Variants in TRAK1 observed in about 807,000 individuals in gnomAD.
The protein encoded by TRAK1 is trafficking kinesin-binding protein 1.
In TRAK1, 33 loss-of-function variants were observed where a neutral mutation model predicts 92.1. The ratio of observed to expected loss-of-function variants is 0.36; its 90% CI spans 0.27 to 0.48. The LOEUF (loss-of-function observed/expected upper bound fraction) is 0.48, where lower values mean the gene tolerates loss of function less well. TRAK1 is among the 20% of genes least tolerant of loss of function. The probability of loss-of-function intolerance (pLI) is 0.99; values close to 1 mark genes in which losing one functional copy is unlikely to be tolerated. For missense variants in TRAK1, 1,123 were observed against 1,257.9 expected (o/e 0.89, Z 1.62); for synonymous variants, 521 against 517.3 (o/e 1.01, Z -0.10).
intron 7 of TRAK1, among the ~76,000 whole-genome samples, chr3:42,191,977 C>T (rs961232986): frequency 7.3e-6 from 1 of 136,090 alleles, no homozygotes; most frequent in Admixed American, 8.4e-5. Context: ...TCTCGGCTCA[C>T]TGCAACCTCT....
At chr3:42,096,909 T>C (rs61279551) in intron 1 of TRAK1, among the ~76,000 whole-genome samples, 3,025 of 152,354 alleles carry the variant, frequency 0.02, 111 homozygotes, top group African/African-American at 0.07. Flanking sequence ...GAAAAATGCA[T>C]ACAGTTTAAA....
At chr3:42,082,860 C>T (rs1704500869), upstream of TRAK1, among the ~76,000 whole-genome samples, 1 of 152,206 alleles carries the variant, frequency 6.6e-6, no homozygotes. Flanking sequence ...TTCAAGACCA[C>T]ATTCATCATC....
chr3:42,109,114 C>T (rs553397238), intron 1 of TRAK1, among the ~76,000 whole-genome samples: 66 of 152,250 alleles, frequency 4.3e-4, no homozygotes, highest in African/African-American at 1.5e-3. Context: ...AGGTATTCAA[C>T]TTCTCTGTGC....
At chr3:42,142,169 T>G (rs184251227) in intron 2 of TRAK1, among the ~76,000 whole-genome samples, 3 of 152,128 alleles carry the variant, frequency 2.0e-5, no homozygotes, top group Admixed American at 1.3e-4. Context: ...GAAAATGAAT[T>G]ACACCTGCAA....
rs1291152895 is a variant in TRAK1, at chr3:42,149,530, C to T, written c.286+23916C>T. 3.3e-6 allele frequency: 5 copies of T among 1,536,148 alleles called. No individual in the cohort carries two copies. The Admixed American group carries it at 7.8e-5, about 24-fold the overall frequency. On this transcript the variant is annotated intron_variant, in intron 2 of 15. Transcript: ENST00000327628. Reference sequence around the variant, plus strand: ...GTCCATTCTTTCCTCTGCAAGACTACTGACTATGCAGAAATTTATCGAAGC... The same window carrying T: ...GTCCATTCTTTCCTCTGCAAGACTATTGACTATGCAGAAATTTATCGAAGC...
intron 2 of TRAK1, chr3:42,160,517 T>G (rs756493357): frequency 6.3e-7 from 1 of 1,591,626 alleles, no homozygotes; most frequent in South Asian, 1.1e-5. Context: ...TCCTTGTTAG[T>G]ATCTAAATAG....
chr3:42,035,630 A>G (rs12107568), intron 1 of TRAK1, among the ~76,000 whole-genome samples: 62,184 of 151,940 alleles, frequency 0.41, 15,638 homozygotes, highest in African/African-American at 0.72. Flanking sequence ...AGATCTCCCT[A>G]ATTGTCCTGT....
intron 2 of TRAK1, among the ~76,000 whole-genome samples, chr3:42,134,691 A>G (rs1489859691): frequency 6.9e-6 from 1 of 144,322 alleles, no homozygotes; most frequent in African/African-American, 2.6e-5. Flanking sequence ...GGTTCACGCC[A>G]TTCACCTGCC....
chr3:42,172,332 G>A (rs181538540), intron 2 of TRAK1, among the ~76,000 whole-genome samples: 127 of 152,248 alleles, frequency 8.3e-4, no homozygotes, highest in Non-Finnish European at 1.2e-3. Context: ...CTTGAAAGGG[G>A]ACATCACTCT....
At chr3:42,064,574 CTTA>C (rs974322839) in intron 1 of TRAK1, among the ~76,000 whole-genome samples, 18 of 152,088 alleles carry the variant, frequency 1.2e-4, no homozygotes, top group African/African-American at 4.3e-4. Flanking sequence ...TCATTATGAA[CTTA>C]TTATGGAAAT....
intron 4 of TRAK1, among the ~76,000 whole-genome samples, chr3:42,187,626 C>G (rs1705085455): frequency 6.6e-6 from 1 of 152,092 alleles, no homozygotes; most frequent in Non-Finnish European, 1.5e-5. Flanking sequence ...TGCCACCACT[C>G]TTCGCTAATT....
intron 2 of TRAK1, among the ~76,000 whole-genome samples, chr3:42,164,677 T>C (rs1044379697): frequency 6.6e-6 from 1 of 152,230 alleles, no homozygotes; most frequent in Non-Finnish European, 1.5e-5. Context: ...GCTCTCACTG[T>C]CTTTCCAGGG....
At chr3:42,186,408 CAGT>C (rs1284816396) in intron 4 of TRAK1, among the ~76,000 whole-genome samples, 1 of 152,126 alleles carries the variant, frequency 6.6e-6, no homozygotes, top group Non-Finnish European at 1.5e-5. Context: ...CTGGGTTTAA[CAGT>C]AGTTTTAATA....
chr3:42,177,761 C>T (rs541926058), intron 3 of TRAK1, among the ~76,000 whole-genome samples: 34 of 152,286 alleles, frequency 2.2e-4, no homozygotes, highest in African/African-American at 8.2e-4. Flanking sequence ...CATTCTTCCA[C>T]CGTTTTTGTG....
At chr3:42,147,304 A>G (rs1355540253) in intron 2 of TRAK1, among the ~76,000 whole-genome samples, 1 of 152,186 alleles carries the variant, frequency 6.6e-6, no homozygotes, top group Non-Finnish European at 1.5e-5. Flanking sequence ...GAGGGAGGCT[A>G]TGGGATCTGA....
chr3:42,025,700 G>A (rs1315308259), intron 1 of TRAK1, among the ~76,000 whole-genome samples: 1 of 142,732 alleles, frequency 7.0e-6, no homozygotes, highest in Non-Finnish European at 1.5e-5. Context: ...CGGGGGCGGG[G>A]ACTGCTTCTC....
intron 2 of TRAK1, among the ~76,000 whole-genome samples, chr3:42,135,409 A>G (rs538617611): frequency 8.0e-4 from 122 of 152,268 alleles, no homozygotes; most frequent in African/African-American, 2.4e-3. Context: ...AGCTCTCTTG[A>G]TGGAGGGAAT....
At chr3:42,027,716 A>G (rs965022777) in intron 1 of TRAK1, among the ~76,000 whole-genome samples, 4 of 152,202 alleles carry the variant, frequency 2.6e-5, no homozygotes, top group Non-Finnish European at 5.9e-5. Flanking sequence ...GTAACTAATT[A>G]TTTATTAATA....
upstream of TRAK1, among the ~76,000 whole-genome samples, chr3:42,082,909 C>G (rs1006481786): frequency 6.6e-6 from 1 of 152,204 alleles, no homozygotes; most frequent in African/African-American, 2.4e-5. Context: ...TATGTTGATA[C>G]ATTAATATCT....
Sources: allele counts gnomAD v4.1 joint callset (sites outside exome capture counted in the v4.1 genomes callset), GRCh38; gene constraint gnomAD v4.1.1; transcripts MANE v1.5; gene names NCBI Gene and HGNC (gene_info 2026-07-23, HGNC 2026-07-21).